The following GRM7 variants were observed in gnomAD, a reference collection of about 807,000 sequenced individuals.
The protein encoded by GRM7 is glutamate metabotropic receptor 7.
A neutral mutation model predicts 84.5 loss-of-function variants in GRM7; 35 were observed. The observed-to-expected ratio is 0.41, with a 90% CI of 0.32 to 0.55. GRM7 has a LOEUF of 0.55. GRM7 is among the 20% of genes least tolerant of loss of function. The probability of loss-of-function intolerance (pLI) is 0.19; values close to 1 mark genes in which losing one functional copy is unlikely to be tolerated. For missense variants in GRM7, 1,003 were observed against 1,194.6 expected (o/e 0.84, Z 2.36); for synonymous variants, 487 against 455.1 (o/e 1.07, Z -0.89).
chr3:7,406,683 T>G (rs1695694060), intron 4 of GRM7, among the ~76,000 whole-genome samples: 1 of 152,224 alleles, frequency 6.6e-6, no homozygotes, highest in African/African-American at 2.4e-5. Flanking sequence ...TCTTCTTAAC[T>G]AAAATATTTT....
chr3:6,898,695 G>T (rs1208713103), intron 1 of GRM7, among the ~76,000 whole-genome samples: 1 of 151,652 alleles, frequency 6.6e-6, no homozygotes, highest in Non-Finnish European at 1.5e-5. Flanking sequence ...TTTTTGGAGG[G>T]GTACCAGGTG....
rs1283795705 is a variant in GRM7 at position 7,579,041 on chromosome 3, T to A, written c.2135T>A (p.Val712Asp). 1 of 1,614,144 alleles carries A rather than the reference T, an allele frequency of 6.2e-7. No individual in the cohort carries two copies. The highest frequency in any genetic ancestry group is 8.5e-7 in the Non-Finnish European group (1 of 1,180,020). Residue 712 changes from valine (V) to aspartate (D), a missense_variant, in exon 8 of 10, where the codon GTT becomes GAT. Physicochemically the swap from Val to Asp is radical, Grantham distance 152. Coordinates refer to ENST00000357716, the MANE Select transcript of GRM7 (RefSeq NM_000844.4). ...QLAITSSLISVQLLGVFIWFG... is the reference protein window; with the variant it reads ...QLAITSSLISDQLLGVFIWFG... ...GCAATCACTTCCAGTTTAATATCAGTTCAGCTTCTAGGGGTGTTCATTTGG... is the reference window on the plus strand; with the variant it reads ...GCAATCACTTCCAGTTTAATATCAGATCAGCTTCTAGGGGTGTTCATTTGG...
chr3:7,633,079 G>C (rs796524249), intron 8 of GRM7, among the ~76,000 whole-genome samples: 5 of 152,370 alleles, frequency 3.3e-5, no homozygotes, highest in African/African-American at 1.2e-4. Context: ...TTGGTGCTGG[G>C]ATGTAATGGG....
At chr3:7,572,823 A>AATT (rs1694744668) in intron 7 of GRM7, among the ~76,000 whole-genome samples, 1 of 12,472 alleles carries the variant, frequency 8.0e-5, no homozygotes. Context: ...CTCTATCTCA[A>AATT]ATATATATAT....
At chr3:7,083,854 T>C (rs1698353972) in intron 1 of GRM7, among the ~76,000 whole-genome samples, 1 of 152,140 alleles carries the variant, frequency 6.6e-6, no homozygotes, top group Non-Finnish European at 1.5e-5. Context: ...AGGTAATGCA[T>C]CCTTCCAAAA....
At chr3:7,672,182 T>G (rs1448306519) in intron 8 of GRM7, among the ~76,000 whole-genome samples, 1 of 152,126 alleles carries the variant, frequency 6.6e-6, no homozygotes, top group Non-Finnish European at 1.5e-5. Context: ...AGTACTGACC[T>G]TCAGGATGGC....
chr3:7,067,046 C>T (rs187482532), intron 1 of GRM7, among the ~76,000 whole-genome samples: 80 of 152,040 alleles, frequency 5.3e-4, no homozygotes, highest in Middle Eastern at 3.4e-3. Flanking sequence ...CCATCTGTGA[C>T]AAACCGACAG....
At chr3:7,319,109 T>C (rs1700682732) in intron 4 of GRM7, among the ~76,000 whole-genome samples, 2 of 152,000 alleles carry the variant, frequency 1.3e-5, no homozygotes, top group Admixed American at 6.6e-5. Context: ...ACTGTGCGTG[T>C]TTTAAAGGAA....
chr3:7,590,350 T>C (rs1460758464), intron 8 of GRM7, among the ~76,000 whole-genome samples: 1 of 152,158 alleles, frequency 6.6e-6, no homozygotes, highest in Non-Finnish European at 1.5e-5. Flanking sequence ...GTCCAATGAG[T>C]AACTTGTTTT....
At chr3:7,050,575 C>T (rs1696959505) in intron 1 of GRM7, among the ~76,000 whole-genome samples, 1 of 151,786 alleles carries the variant, frequency 6.6e-6, no homozygotes, top group Admixed American at 6.6e-5. Flanking sequence ...ATCTAAAGTG[C>T]TGAAAAATAA....
chr3:7,271,118 C>T (rs1442783627), intron 2 of GRM7, among the ~76,000 whole-genome samples: 1 of 152,108 alleles, frequency 6.6e-6, no homozygotes, highest in African/African-American at 2.4e-5. Flanking sequence ...AAAGGAGGGA[C>T]ATGAAGTCTA....
chr3:7,391,960 C>T (rs938405946), intron 4 of GRM7, among the ~76,000 whole-genome samples: 4 of 152,162 alleles, frequency 2.6e-5, no homozygotes, highest in African/African-American at 7.2e-5. Context: ...TGACAATGCA[C>T]TGAGGGGGTT....
chr3:7,311,748 C>T (rs944311676), intron 4 of GRM7, among the ~76,000 whole-genome samples: 2 of 152,024 alleles, frequency 1.3e-5, no homozygotes. Context: ...GCATGTGCTA[C>T]CACACCTGGC....
At chr3:7,674,571 A>C (rs1214908527) in intron 8 of GRM7, among the ~76,000 whole-genome samples, 2 of 152,242 alleles carry the variant, frequency 1.3e-5, no homozygotes, top group Non-Finnish European at 2.9e-5. Flanking sequence ...GCTAATTAAC[A>C]TACTCATTTA....
At chr3:7,161,377 G>A (rs1295823052) in intron 2 of GRM7, among the ~76,000 whole-genome samples, 2 of 151,024 alleles carry the variant, frequency 1.3e-5, no homozygotes, top group African/African-American at 2.4e-5. Flanking sequence ...AGTTAAAAAG[G>A]TGTTAACTCT....
intron 8 of GRM7, among the ~76,000 whole-genome samples, chr3:7,656,711 T>C (rs1575600112): frequency 2.6e-5 from 4 of 152,128 alleles, no homozygotes; most frequent in Admixed American, 6.5e-5. Context: ...CACTTAAAAG[T>C]GTCAATTACC....
rs73117018 is a variant in GRM7 at position 7,116,595 on chromosome 3, G to A, written c.520-29857G>A. 7.8e-3 allele frequency among the ~76,000 whole-genome samples: 1,193 copies of A among 152,180 alleles called. 13 individuals are homozygous for A. Among genetic ancestry groups the A allele is most frequent in the African/African-American group, 0.028 (1,144 of 41,530 alleles). On this transcript the variant is annotated intron_variant, in intron 1 of 9. Transcript: ENST00000357716. ...AAAAAACCCATATGATTACTTTACTGTTATAAGAAGGCAACAGGTTCTGTA... is the reference window on the plus strand; with the variant it reads ...AAAAAACCCATATGATTACTTTACTATTATAAGAAGGCAACAGGTTCTGTA...
At chr3:6,899,954 AC>A (rs1696326552) in intron 1 of GRM7, among the ~76,000 whole-genome samples, 2 of 152,190 alleles carry the variant, frequency 1.3e-5, no homozygotes, top group South Asian at 2.1e-4. Flanking sequence ...GAAGTCAAAT[AC>A]GTCTTTGTCA....
intron 1 of GRM7, among the ~76,000 whole-genome samples, chr3:7,085,069 G>A (rs1698405202): frequency 6.6e-6 from 1 of 152,142 alleles, no homozygotes; most frequent in African/African-American, 2.4e-5. Context: ...AGCTTGCTGA[G>A]GGGCTGGGTT....
Sources: allele counts gnomAD v4.1 joint callset (sites outside exome capture counted in the v4.1 genomes callset), GRCh38; gene constraint gnomAD v4.1.1; transcripts MANE v1.5; gene names NCBI Gene and HGNC (gene_info 2026-07-23, HGNC 2026-07-21).